The following ZNF676 variants were observed in gnomAD, a reference collection of about 807,000 sequenced individuals.
ZNF676 encodes zinc finger protein 676.
In ZNF676, 4 loss-of-function variants were observed where a neutral mutation model predicts 6.0. That is an observed-to-expected ratio of 0.67 (90% confidence interval 0.33 to 1.53). ZNF676 has a LOEUF of 1.53. ZNF676 is among the 40% of genes most tolerant of loss of function. The probability of loss-of-function intolerance (pLI) is 0.06; values close to 1 mark genes in which losing one functional copy is unlikely to be tolerated. For missense variants in ZNF676, 644 were observed against 679.7 expected, an observed-to-expected ratio of 0.95 and a Z score of 0.58; for synonymous variants, 198 against 223.1, an observed-to-expected ratio of 0.89 and a Z score of 1.00.
At chr19:22,246,762 T>C in the ZNF676 span, among the ~76,000 whole-genome samples, 19 of 152,198 alleles carry the variant, frequency 1.2e-4, no homozygotes, top group Admixed American at 3.3e-4. Flanking sequence ...TGAGGTCCAG[T>C]GATAAGCCAC....
At chr19:22,204,979 G>A (rs527308328) in intron 1 of ZNF676, among the ~76,000 whole-genome samples, 1 of 152,020 alleles carries the variant, frequency 6.6e-6, no homozygotes, top group Admixed American at 6.6e-5. Flanking sequence ...TCACATATGA[G>A]AATAAAGCCT....
chr19:22,238,634 A>G, the ZNF676 span, among the ~76,000 whole-genome samples: 1 of 152,184 alleles, frequency 6.6e-6, no homozygotes, highest in Non-Finnish European at 1.5e-5. Context: ...GGTTCTCCAG[A>G]GGGACAGAAC....
the ZNF676 span, among the ~76,000 whole-genome samples, chr19:22,254,947 C>T: frequency 6.6e-6 from 1 of 152,176 alleles, no homozygotes; most frequent in Admixed American, 6.5e-5. Context: ...CTGGGAAGAG[C>T]TGTATGATAC....
chr19:22,210,080 G>A (rs987546232), intron 1 of ZNF676, among the ~76,000 whole-genome samples: 5 of 152,148 alleles, frequency 3.3e-5, no homozygotes, highest in African/African-American at 1.2e-4. Flanking sequence ...ACCCTGGGAG[G>A]AGACCTGGAA....
rs898158811 is a variant in ZNF676 at position 22,196,503 on chromosome 19, T to C, written c.34+97A>G. On this transcript the variant is annotated intron_variant, in intron 1 of 2. Transcript: ENST00000397121. ...ATATACTCTTTTGTCTTTGTCTGTATTCTCGCATTCATCCTCCTTTGTTCA... is the reference window on the plus strand; with the variant it reads ...ATATACTCTTTTGTCTTTGTCTGTACTCTCGCATTCATCCTCCTTTGTTCA... 4.4e-6 allele frequency: 7 copies of C among 1,600,854 alleles called. No individual in the cohort carries two copies. The African/African-American group carries it at 9.4e-5, about 22-fold the overall frequency.
the ZNF676 span, among the ~76,000 whole-genome samples, chr19:22,236,724 C>A: frequency 6.6e-6 from 1 of 152,110 alleles, no homozygotes; most frequent in Non-Finnish European, 1.5e-5. Context: ...TTCCATTTGA[C>A]CTAGAAGTTT....
Position 22,180,305 on chromosome 19 carries a change from T to C in ZNF676, c.1412A>G (p.His471Arg). 3.1e-6 allele frequency: 5 copies of C among 1,612,784 alleles called. No individual in the cohort carries two copies. Among genetic ancestry groups the C allele is most frequent in the Non-Finnish European group, 4.2e-6 (5 of 1,178,810 alleles). Reference sequence around the variant, plus strand: ...ACATTTGTAAGGTTTCTCTGCAGCATGAATTCTCTTGTGTTTAGTAAAGCT... The same window carrying C: ...ACATTTGTAAGGTTTCTCTGCAGCACGAATTCTCTTGTGTTTAGTAAAGCT... ...SSSFTKHKRI[H>R]AAEKPYKCEE... The change falls in exon 3 of 3, where the codon CAT becomes CGT. Residue 471 changes from histidine (H) to arginine (R), a missense_variant. By Grantham distance (29) the His-to-Arg change is conservative. This residue lies in a region of ZNF676 where 306 missense variants were observed against 265.4 expected (regional missense o/e 1.15). Coordinates refer to ENST00000397121, the MANE Select transcript of ZNF676 (RefSeq NM_001001411.3).
At chr19:22,210,837 G>GA (rs1436558926) in intron 1 of ZNF676, among the ~76,000 whole-genome samples, 1 of 152,054 alleles carries the variant, frequency 6.6e-6, no homozygotes, top group Non-Finnish European at 1.5e-5. Context: ...CTCTCAGTCC[G>GA]AGCCACCATA....
At chr19:22,248,071 C>T in the ZNF676 span, among the ~76,000 whole-genome samples, 43 of 37,246 alleles carry the variant, frequency 1.2e-3, 1 homozygote, top group South Asian at 3.9e-3. Flanking sequence ...ACAAAGGAAA[C>T]GAACTCATCA....
upstream of ZNF676, among the ~76,000 whole-genome samples, chr19:22,218,819 A>G (rs750436997): frequency 6.6e-6 from 1 of 152,012 alleles, no homozygotes; most frequent in East Asian, 1.9e-4. Context: ...ATTGGTCTTC[A>G]TATCTATTTT....
chr19:22,192,518 CAGA>C (rs1399028032), intron 2 of ZNF676, among the ~76,000 whole-genome samples: 7 of 151,762 alleles, frequency 4.6e-5, no homozygotes, highest in East Asian at 1.9e-4. Context: ...AATAAAAAAG[CAGA>C]AGGATATTAT....
At chr19:22,190,928 G>T (rs2144753481) in intron 2 of ZNF676, among the ~76,000 whole-genome samples, 1 of 151,916 alleles carries the variant, frequency 6.6e-6, no homozygotes, top group Non-Finnish European at 1.5e-5. Flanking sequence ...TAGATATAAA[G>T]CAATTACACT....
intron 1 of ZNF676, among the ~76,000 whole-genome samples, chr19:22,195,465 G>A (rs1034706683): frequency 1.3e-5 from 2 of 152,134 alleles, no homozygotes; most frequent in South Asian, 4.1e-4. Context: ...AGACCCTTAG[G>A]CATGATAATT....
At chr19:22,238,306 C>T in the ZNF676 span, among the ~76,000 whole-genome samples, 3 of 152,112 alleles carry the variant, frequency 2.0e-5, no homozygotes, top group Admixed American at 2.0e-4. Context: ...TGCCTCAGCA[C>T]CCCCAAAGTG....
chr19:22,193,212 C>T, intron 1 of ZNF676, 101 bp from the exon 2 acceptor site: 1 of 1,248,806 alleles, frequency 8.0e-7, no homozygotes, highest in Non-Finnish European at 1.1e-6. Flanking sequence ...TATTCTAATA[C>T]ATTTATCCCA....
the ZNF676 span, among the ~76,000 whole-genome samples, chr19:22,242,671 TG>T: frequency 6.6e-6 from 1 of 151,966 alleles, no homozygotes; most frequent in Admixed American, 6.5e-5. Flanking sequence ...ACACAGGTTT[TG>T]GGTCTAGCTA....
upstream of ZNF676, among the ~76,000 whole-genome samples, chr19:22,219,977 C>T (rs560912350): frequency 6.6e-6 from 1 of 152,018 alleles, no homozygotes; most frequent in Admixed American, 6.6e-5. Context: ...TTTTTATGAC[C>T]TTACAATATG....
At chr19:22,252,007 T>A in the ZNF676 span, among the ~76,000 whole-genome samples, 1 of 152,196 alleles carries the variant, frequency 6.6e-6, no homozygotes, top group Non-Finnish European at 1.5e-5. Flanking sequence ...CAAGATAAGC[T>A]TGCTCAATGT....
At chr19:22,228,278 GAAAAGGCCTTCAAC>G in the ZNF676 span, among the ~76,000 whole-genome samples, 3 of 152,256 alleles carry the variant, frequency 2.0e-5, no homozygotes, top group African/African-American at 7.2e-5. Context: ...AATAGATGCA[GAAAAGGCCTTCAAC>G]AAAATTCAAC....
Sources: allele counts gnomAD v4.1 joint callset (sites outside exome capture counted in the v4.1 genomes callset), GRCh38; gene constraint gnomAD v4.1.1; regional missense constraint gnomAD v4.1.1; transcripts MANE v1.5; gene names NCBI Gene and HGNC (gene_info 2026-07-23, HGNC 2026-07-21).